Variants in ZCCHC7 observed in about 807,000 individuals in gnomAD.
ZCCHC7 encodes the protein zinc finger CCHC domain-containing protein 7.
A neutral mutation model predicts 52.0 loss-of-function variants in ZCCHC7; 35 were observed. That is an observed-to-expected ratio of 0.67 (90% CI 0.51 to 0.89). The LOEUF (loss-of-function observed/expected upper bound fraction) is 0.89, where lower values mean the gene tolerates loss of function less well. Among genes scored for constraint, ZCCHC7 ranks in the 40% least tolerant of loss-of-function variants. The pLI is 0.00. For missense variants in ZCCHC7, 574 were observed against 649.1 expected (o/e 0.88, Z 1.26); for synonymous variants, 217 against 221.5 (o/e 0.98, Z 0.18).
chr9:37,357,244 T>C lies in ZCCHC7; in HGVS notation c.1608T>C (p.Ile536=). ...EDDDNDNLFL[I]KQRKKKS ...ATGACAATGATAACTTATTTCTTATTAAGCAGAGAAAAAAAAAGTCTTAAG... is the reference window on the plus strand; with the variant it reads ...ATGACAATGATAACTTATTTCTTATCAAGCAGAGAAAAAAAAAGTCTTAAG... The change falls in exon 9 of 9, where the codon ATT becomes ATC. Residue 536 remains isoleucine, a synonymous_variant. Coordinates refer to ENST00000336755, the MANE Select transcript of ZCCHC7 (RefSeq NM_032226.3). The C allele has an allele frequency of 6.3e-7, 1 of 1,597,206 alleles. No individual in the cohort carries two copies. The highest frequency in any genetic ancestry group is 8.5e-7 in the Non-Finnish European group (1 of 1,175,438).
intron 5 of ZCCHC7, among the ~76,000 whole-genome samples, chr9:37,314,065 T>A (rs150339241): frequency 6.6e-6 from 1 of 152,330 alleles, no homozygotes; most frequent in African/African-American, 2.4e-5. Flanking sequence ...AGTACATACC[T>A]CCTTGTCTAG....
intron 2 of ZCCHC7, among the ~76,000 whole-genome samples, chr9:37,162,951 C>T (rs1821187788): frequency 6.6e-6 from 1 of 152,044 alleles, no homozygotes; most frequent in African/African-American, 2.4e-5. Context: ...GCCTGTAATG[C>T]CAGCACTTTG....
At chr9:37,178,651 A>G (rs1020173135) in intron 2 of ZCCHC7, among the ~76,000 whole-genome samples, 4 of 152,336 alleles carry the variant, frequency 2.6e-5, no homozygotes, top group South Asian at 2.1e-4. Flanking sequence ...CAGTCAACAT[A>G]ATGAGCAGTG....
chr9:37,225,111 C>A (rs1035288365), intron 2 of ZCCHC7, among the ~76,000 whole-genome samples: 2 of 151,958 alleles, frequency 1.3e-5, no homozygotes, highest in Non-Finnish European at 2.9e-5. Context: ...GAATTGAAGA[C>A]CAATCAGGAA....
At chr9:37,146,530 C>G (rs535954265) in intron 2 of ZCCHC7, among the ~76,000 whole-genome samples, 1 of 151,880 alleles carries the variant, frequency 6.6e-6, no homozygotes, top group Admixed American at 6.6e-5. Context: ...ATCCCACCCT[C>G]GTTTTAAAAA....
upstream of ZCCHC7, chr9:37,120,502 G>A: frequency 2.5e-6 from 1 of 399,044 alleles, no homozygotes; most frequent in East Asian, 3.6e-5. Context: ...TGTTGTCCCC[G>A]GAAGTGCCTT....
chr9:37,158,371 C>T (rs1181189775), intron 2 of ZCCHC7, among the ~76,000 whole-genome samples: 2 of 152,110 alleles, frequency 1.3e-5, no homozygotes, highest in African/African-American at 4.8e-5. Context: ...TGTTGAACAA[C>T]GACTCTAGGC....
At chr9:37,209,526 T>C (rs567143500) in intron 2 of ZCCHC7, among the ~76,000 whole-genome samples, 2 of 152,260 alleles carry the variant, frequency 1.3e-5, no homozygotes, top group South Asian at 4.2e-4. Context: ...GTCTACCCTT[T>C]TCATTTTCTC....
chr9:37,267,591 A>G (rs1417936873), intron 2 of ZCCHC7, among the ~76,000 whole-genome samples: 2 of 126,564 alleles, frequency 1.6e-5, no homozygotes, highest in African/African-American at 3.1e-5. Flanking sequence ...TTTTTTTGAG[A>G]CAGAGTCTCG....
At chr9:37,230,021 G>A (rs2133306288) in intron 2 of ZCCHC7, among the ~76,000 whole-genome samples, 1 of 152,184 alleles carries the variant, frequency 6.6e-6, no homozygotes, top group South Asian at 2.1e-4. Context: ...CGTTAATATC[G>A]CTGTCTTCCA....
intron 6 of ZCCHC7, among the ~76,000 whole-genome samples, chr9:37,332,567 T>G (rs1830490213): frequency 6.6e-6 from 1 of 151,540 alleles, no homozygotes; most frequent in Admixed American, 6.6e-5. Context: ...TCTTCTCATA[T>G]TTTGAGTTTA....
intron 5 of ZCCHC7, chr9:37,327,501 C>G: frequency 3.2e-6 from 1 of 315,118 alleles, no homozygotes; most frequent in Non-Finnish European, 5.8e-6. Context: ...GTTCATTTAT[C>G]AGTTTAACTG....
intron 2 of ZCCHC7, among the ~76,000 whole-genome samples, chr9:37,162,080 C>G (rs1439803234): frequency 6.6e-6 from 1 of 152,228 alleles, no homozygotes; most frequent in Non-Finnish European, 1.5e-5. Flanking sequence ...GAAACTAAAT[C>G]TGAATAAAAA....
intron 2 of ZCCHC7, among the ~76,000 whole-genome samples, chr9:37,243,781 C>A (rs993137409): frequency 6.6e-6 from 1 of 151,854 alleles, no homozygotes; most frequent in Non-Finnish European, 1.5e-5. Context: ...TCTGTAGATA[C>A]AACTGTATCA....
intron 2 of ZCCHC7, among the ~76,000 whole-genome samples, chr9:37,208,759 G>A (rs1484828336): frequency 6.6e-6 from 1 of 152,176 alleles, no homozygotes; most frequent in Non-Finnish European, 1.5e-5. Context: ...AACTGTTGGA[G>A]TGGTGTCTAG....
intron 2 of ZCCHC7, among the ~76,000 whole-genome samples, chr9:37,296,194 G>A (rs1828776144): frequency 6.6e-6 from 1 of 152,104 alleles, no homozygotes; most frequent in Non-Finnish European, 1.5e-5. Context: ...TTGGGCAAAA[G>A]GTAGACAGTG....
intron 2 of ZCCHC7, among the ~76,000 whole-genome samples, chr9:37,299,628 C>T (rs887241503): frequency 6.6e-6 from 1 of 152,168 alleles, no homozygotes; most frequent in African/African-American, 2.4e-5. Flanking sequence ...AGGTAAAGAT[C>T]AAGGGCAGGA....
At chr9:37,356,691 C>G in intron 8 of ZCCHC7, 144 bp from the exon 9 acceptor site, 1 of 684,994 alleles carries the variant, frequency 1.5e-6, no homozygotes, top group Non-Finnish European at 2.3e-6. Flanking sequence ...GGAGCTACAA[C>G]TATTTAATTT....
At chr9:37,266,230 A>G (rs1348404967) in intron 2 of ZCCHC7, among the ~76,000 whole-genome samples, 1 of 152,242 alleles carries the variant, frequency 6.6e-6, no homozygotes, top group Non-Finnish European at 1.5e-5. Context: ...AAGTTTAGTT[A>G]CCATATTAAA....
Sources: gnomAD v4.1 joint callset for allele counts (sites outside exome capture counted in the v4.1 genomes callset) on GRCh38, gnomAD v4.1.1 for gene constraint, MANE v1.5 for transcripts, NCBI Gene and HGNC (gene_info 2026-07-23, HGNC 2026-07-21) for gene names.